The following CPN1 variants were observed in gnomAD, a reference collection of about 807,000 sequenced individuals.
CPN1 encodes carboxypeptidase N subunit 1.
In CPN1, 37 loss-of-function variants were observed where a neutral mutation model predicts 46.4. The observed-to-expected ratio is 0.80, with a 90% confidence interval of 0.61 to 1.05. CPN1 has a LOEUF of 1.05. Among genes scored for constraint, CPN1 ranks in the 50% least tolerant of loss-of-function variants. The pLI, the probability that CPN1 is intolerant of heterozygous loss-of-function variation, is 0.00. For missense variants in CPN1, 563 were observed against 602.6 expected (o/e 0.93, Z 0.69); for synonymous variants, 224 against 235.4 (o/e 0.95, Z 0.44).
intron 4 of CPN1, among the ~76,000 whole-genome samples, chr10:100,064,486 T>C (rs186085401): frequency 0.024 from 3,704 of 151,530 alleles, 79 homozygotes; most frequent in Admixed American, 0.062. Flanking sequence ...CTTCAAGTGA[T>C]TCTCCTGTCT....
At chr10:100,059,962 A>G (rs1228812188) in intron 5 of CPN1, among the ~76,000 whole-genome samples, 2 of 152,216 alleles carry the variant, frequency 1.3e-5, no homozygotes, top group Non-Finnish European at 2.9e-5. Context: ...CTTTGAGGAC[A>G]TTATGGTAAG....
intron 7 of CPN1, among the ~76,000 whole-genome samples, chr10:100,051,191 T>C (rs1589471076): frequency 6.6e-6 from 1 of 152,234 alleles, no homozygotes; most frequent in Non-Finnish European, 1.5e-5. Flanking sequence ...TTTAAGTATA[T>C]AGCAATGAAT....
rs1046858812 is a variant in CPN1, at chr10:100,047,316, G to A, written c.1230+1442C>T. Among the ~76,000 whole-genome samples, 5 of 151,964 alleles carry A rather than the reference G, an allele frequency of 3.3e-5. No homozygotes were observed. In the East Asian group the frequency reaches 9.7e-4, roughly 29 times the overall value. ...TTGACTGTAGGTCAAGGAGAAGGAG[G>A]AGGAGAAGAAAGAGAGGAGGAGGAG... On this transcript the variant is annotated intron_variant, in intron 8 of 8. Transcript: ENST00000370418.
At position 100,075,994 on chromosome 10, in the gene CPN1, G is replaced by T. The variant is rs940408104; in HGVS notation, c.337C>A (p.Arg113Ser). ...GTGTCCTGGATGAGCTGGACGATGC[G>T]CTGGTTCCTGTTCCGGAACTCCTCG... ...LCEEFRNRNQ[R>S]IVQLIQDTRI... Residue 113 changes from arginine (R) to serine (S), a missense_variant, in exon 2 of 9, where the codon CGC (arginine) becomes AGC (serine). By Grantham distance (110) the Arg-to-Ser change is moderately radical. Coordinates refer to ENST00000370418, the MANE Select transcript of CPN1 (RefSeq NM_001308.3). 1.9e-6 allele frequency: 3 copies of T among 1,614,008 alleles called. No individual in the cohort carries two copies. The highest frequency in any genetic ancestry group is 2.7e-5 in the African/African-American group (2 of 74,910).
At chr10:100,071,989 G>A (rs1234302740) in intron 2 of CPN1, among the ~76,000 whole-genome samples, 1 of 152,080 alleles carries the variant, frequency 6.6e-6, no homozygotes, top group Non-Finnish European at 1.5e-5. Flanking sequence ...TTTGGCGAAG[G>A]GTGGTAGGGG....
At chr10:100,063,577 C>T in intron 5 of CPN1, 37 bp downstream of exon 5, 1 of 1,410,460 alleles carries the variant, frequency 7.1e-7, no homozygotes, top group Non-Finnish European at 1.0e-6. Context: ...GAGCACTATT[C>T]CACTTCAGCT....
At chr10:100,071,737 C>T (rs1042692269) in intron 2 of CPN1, among the ~76,000 whole-genome samples, 1 of 152,116 alleles carries the variant, frequency 6.6e-6, no homozygotes, top group African/African-American at 2.4e-5. Flanking sequence ...TACATTATAA[C>T]AACTGTTTAC....
chr10:100,063,466 C>T, intron 5 of CPN1, 148 bp downstream of exon 5: 1 of 716,742 alleles, frequency 1.4e-6, no homozygotes, highest in Non-Finnish European at 2.5e-6. Context: ...CACTAAATGC[C>T]AACCTGAGAC....
At chr10:100,044,097 A>T (rs1410742803) in intron 8 of CPN1, among the ~76,000 whole-genome samples, 2 of 152,142 alleles carry the variant, frequency 1.3e-5, no homozygotes, top group African/African-American at 4.8e-5. Context: ...TCACTGACTA[A>T]GAGGCCTCTC....
intron 8 of CPN1, among the ~76,000 whole-genome samples, chr10:100,045,077 A>G (rs1469362640): frequency 6.6e-6 from 1 of 151,910 alleles, no homozygotes; most frequent in Non-Finnish European, 1.5e-5. Flanking sequence ...AGGGAGATAG[A>G]CTCCTTTGTG....
At chr10:100,063,343 G>T (rs1247331724) in intron 5 of CPN1, among the ~76,000 whole-genome samples, 1 of 151,458 alleles carries the variant, frequency 6.6e-6, no homozygotes, top group African/African-American at 2.4e-5. Flanking sequence ...GGATGGTCTC[G>T]ATCTCCTGAC....
At chr10:100,077,587 G>A (rs1347324723) in intron 1 of CPN1, among the ~76,000 whole-genome samples, 3 of 152,036 alleles carry the variant, frequency 2.0e-5, no homozygotes, top group Non-Finnish European at 4.4e-5. Flanking sequence ...GGCCTTAGCA[G>A]TGTACATAAT....
chr10:100,074,414 G>A (rs928457854), intron 2 of CPN1, among the ~76,000 whole-genome samples: 77 of 152,228 alleles, frequency 5.1e-4, no homozygotes, highest in African/African-American at 1.8e-3. Flanking sequence ...GACTGGCAGG[G>A]ATTTTCCCCA....
In CPN1 at chr10:100,048,767, T is replaced by A; in HGVS notation, c.1221A>T (p.Glu407Asp). The change falls in exon 8 of 9, where the codon GAA becomes GAT. Residue 407 changes from glutamate (E) to aspartate (D), a missense_variant. Coordinates refer to ENST00000370418, the MANE Select transcript of CPN1 (RefSeq NM_001308.3). ...GCTCAGCCTAACTCACCAACGTTGG[T>A]TCCGCAGGACCCACGGTCACAGTTA... ...ETVTVTVGPA[E>D]PTLVNFHLKR... The A allele has an allele frequency of 6.2e-7, 1 of 1,604,126 alleles. No homozygotes were observed. The highest frequency in any genetic ancestry group is 1.1e-5 in the South Asian group (1 of 90,900).
Position 100,069,880 on chromosome 10 carries a change from A to G in CPN1, c.421-11T>C. The G allele has an allele frequency of 6.2e-7, 1 of 1,612,892 alleles. No individual in the cohort carries two copies. The highest frequency in any genetic ancestry group is 2.2e-5 in the East Asian group (1 of 44,840). ...AGGCTTGTTTGGGCCCTAAAGGAAA[A>G]TGAAAAGATGAAAAATGAAGGTTTC... On this transcript the variant is annotated splice_polypyrimidine_tract_variant and intron_variant, in intron 2 of 8. Coordinates refer to ENST00000370418, the MANE Select transcript of CPN1 (RefSeq NM_001308.3).
In CPN1 at chr10:100,054,414, ATCAAGCACCATTCCCT is replaced by A; in HGVS notation, c.1028_1043del (p.Lys343MetfsTer52). 2 of 1,613,654 alleles carry A rather than the reference ATCAAGCACCATTCCCT, an allele frequency of 1.2e-6. No homozygotes were observed. The highest frequency in any genetic ancestry group is 1.7e-6 in the Non-Finnish European group (2 of 1,179,532). On this transcript the variant is annotated frameshift_variant, in exon 7 of 9. Transcript: ENST00000370418. LOFTEE classifies it high-confidence loss of function. ...CATTGGCGAGATTATTGTAATTCTC[ATCAAGCACCATTCCCT>A]TGATGCCCTGGTGAACCTGCAGGAA...
At position 100,065,266 on chromosome 10, in the gene CPN1, G is replaced by A. The variant is rs1170611553; in HGVS notation, c.681C>T (p.Asp227=). ...GGAVVANYPY[D]KSFEHRVRGV... ...CTCGGACCCGGTGCTCAAAGGACTT[G>A]TCATACGGGTAATTGGCCACCACCG... The change falls in exon 4 of 9, where the codon GAC becomes GAT. Residue 227 remains aspartate (D), a synonymous_variant. Transcript: ENST00000370418. 1 of 1,614,160 alleles carries A rather than the reference G, an allele frequency of 6.2e-7. No homozygotes were observed. The highest frequency in any genetic ancestry group is 1.7e-5 in the Admixed American group (1 of 60,010).
At position 100,081,389 on chromosome 10, in the gene CPN1, T is replaced by C; in HGVS notation, c.223+14A>G. ...CCCTGCCCCACACACCCTCAAGAGC[T>C]GTTCAGAACTTACAGGGCTCGTGGA... On this transcript the variant is annotated intron_variant, in intron 1 of 8. Coordinates refer to ENST00000370418, the MANE Select transcript of CPN1 (RefSeq NM_001308.3). 6.2e-7 allele frequency: 1 copy of C among 1,608,160 alleles called. No individual in the cohort carries two copies. The highest frequency in any genetic ancestry group is 8.5e-7 in the Non-Finnish European group (1 of 1,177,034).
rs191820693 is a variant in CPN1, at chr10:100,075,685, T to G, written c.420+226A>C. ...GTCATCTGGAAAGGTGTTGAGGGAA[T>G]GCAGGCTCAGAGAGAGCCCATGTTT... On this transcript the variant is annotated intron_variant, in intron 2 of 8. Transcript: ENST00000370418. Among the ~76,000 whole-genome samples the G allele has an allele frequency of 3.3e-5, 5 of 152,368 alleles. No homozygotes were observed. In the East Asian group the frequency reaches 9.6e-4, roughly 29 times the overall value.
Sources: allele counts gnomAD v4.1 joint callset (sites outside exome capture counted in the v4.1 genomes callset), GRCh38; gene constraint gnomAD v4.1.1; transcripts MANE v1.5; gene names NCBI Gene and HGNC (gene_info 2026-07-23, HGNC 2026-07-21).